The following GPR176 variants were observed in gnomAD, a reference collection of about 807,000 sequenced individuals.
GPR176 encodes the protein G protein-coupled receptor 176, also known as G-protein coupled receptor 176.
Under a neutral mutation model 35.4 loss-of-function variants are expected in GPR176, and 26 were observed. That is an observed-to-expected ratio of 0.74 (90% CI 0.54 to 1.02). GPR176 has a LOEUF of 1.02. Among genes scored for constraint, GPR176 ranks in the 50% least tolerant of loss-of-function variants. The probability of loss-of-function intolerance (pLI) is 0.00; values close to 1 mark genes in which losing one functional copy is unlikely to be tolerated. For missense variants in GPR176, 597 were observed against 665.3 expected, an observed-to-expected ratio of 0.90 and a Z score of 1.13; for synonymous variants, 278 against 271.3, an observed-to-expected ratio of 1.02 and a Z score of -0.24.
At chr15:39,916,220 A>C (rs1339091537) in intron 1 of GPR176, among the ~76,000 whole-genome samples, 1 of 152,200 alleles carries the variant, frequency 6.6e-6, no homozygotes, top group Non-Finnish European at 1.5e-5. Flanking sequence ...GTGATTCCAG[A>C]TCTTTTGGAG....
chr15:39,824,652 G>A (rs536834773), intron 1 of GPR176, among the ~76,000 whole-genome samples: 1 of 152,282 alleles, frequency 6.6e-6, no homozygotes, highest in Admixed American at 6.5e-5. Flanking sequence ...TGGTAACCAT[G>A]AACACTAAAT....
At chr15:39,853,985 T>C (rs2031040966) in intron 1 of GPR176, among the ~76,000 whole-genome samples, 1 of 152,154 alleles carries the variant, frequency 6.6e-6, no homozygotes, top group Non-Finnish European at 1.5e-5. Flanking sequence ...TTTATTTCCT[T>C]AACTTGTATT....
Position 39,920,034 on chromosome 15 carries a change from C to A in GPR176, c.-8G>T. 7.6e-7 allele frequency: 1 copy of A among 1,316,774 alleles called. No homozygotes were observed. Among genetic ancestry groups the A allele is most frequent in the Non-Finnish European group, 9.7e-7 (1 of 1,026,478 alleles). 81.6% of individuals were successfully genotyped at this position (1,316,774 alleles called of 1,614,324 possible). On this transcript the variant is annotated 5_prime_UTR_variant, in exon 1 of 3. Coordinates refer to ENST00000561100, the MANE Select transcript of GPR176 (RefSeq NM_007223.3). ...GCTCCCGTTATGTCCCATGGCGAGG[C>A]TGGGACTCCGGCTCCGCGCGCCGCC...
At chr15:39,819,097 C>A (rs997051684) in intron 1 of GPR176, among the ~76,000 whole-genome samples, 3 of 152,158 alleles carry the variant, frequency 2.0e-5, no homozygotes, top group Non-Finnish European at 2.9e-5. Context: ...ATGGAGAAAA[C>A]TTCCAGAGAA....
intron 1 of GPR176, among the ~76,000 whole-genome samples, chr15:39,885,248 G>A (rs1328794177): frequency 1.3e-5 from 2 of 152,192 alleles, no homozygotes. Context: ...CAACCTCTGA[G>A]GGAATCAAGC....
intron 1 of GPR176, among the ~76,000 whole-genome samples, chr15:39,809,771 A>G (rs1372649303): frequency 6.6e-6 from 1 of 152,210 alleles, no homozygotes; most frequent in Non-Finnish European, 1.5e-5. Flanking sequence ...GAGTGGTGAC[A>G]TTGGTACAAG....
chr15:39,913,544 CAA>C (rs112677908), intron 1 of GPR176, among the ~76,000 whole-genome samples: 1 of 117,932 alleles, frequency 8.5e-6, no homozygotes, highest in Non-Finnish European at 1.8e-5. Flanking sequence ...GACCCTGTCT[CAA>C]AAAAAAAAAA....
chr15:39,840,209 A>G (rs904068413), intron 1 of GPR176, among the ~76,000 whole-genome samples: 1 of 152,230 alleles, frequency 6.6e-6, no homozygotes, highest in Non-Finnish European at 1.5e-5. Context: ...ACTATTCACA[A>G]TGCCAAAGAC....
At chr15:39,850,942 G>T (rs2140808235) in intron 1 of GPR176, among the ~76,000 whole-genome samples, 1 of 152,178 alleles carries the variant, frequency 6.6e-6, no homozygotes, top group South Asian at 2.1e-4. Context: ...GACCATGCTA[G>T]AACTAACATG....
At chr15:39,890,963 G>A (rs2032849777) in intron 1 of GPR176, among the ~76,000 whole-genome samples, 1 of 152,194 alleles carries the variant, frequency 6.6e-6, no homozygotes, top group South Asian at 2.1e-4. Flanking sequence ...AACCCAAGGG[G>A]GAGGTAGCAG....
At chr15:39,857,971 C>T (rs1303371577) in intron 1 of GPR176, among the ~76,000 whole-genome samples, 9 of 77,368 alleles carry the variant, frequency 1.2e-4, no homozygotes, top group Non-Finnish European at 2.5e-4. Flanking sequence ...ACTCCTTCTC[C>T]AAAAAAAAAA....
intron 1 of GPR176, among the ~76,000 whole-genome samples, chr15:39,887,748 G>A (rs1377232517): frequency 3.3e-5 from 5 of 152,134 alleles, no homozygotes; most frequent in East Asian, 3.8e-4. Flanking sequence ...ATTTTCAAGC[G>A]GAAAGATTCA....
At chr15:39,861,645 T>A (rs977111368) in intron 1 of GPR176, among the ~76,000 whole-genome samples, 3 of 152,198 alleles carry the variant, frequency 2.0e-5, no homozygotes, top group African/African-American at 7.2e-5. Flanking sequence ...TGTTCAGGAT[T>A]TCTGACAATC....
At chr15:39,835,166 T>C (rs1411051647) in intron 1 of GPR176, among the ~76,000 whole-genome samples, 1 of 151,994 alleles carries the variant, frequency 6.6e-6, no homozygotes, top group African/African-American at 2.4e-5. Flanking sequence ...TACAGGCATG[T>C]GCCACCATGC....
At chr15:39,875,918 C>T (rs540144277) in intron 1 of GPR176, among the ~76,000 whole-genome samples, 386 of 126,910 alleles carry the variant, frequency 3.0e-3, no homozygotes, top group African/African-American at 9.5e-3. Flanking sequence ...CAATGTTTAA[C>T]TCATATATAT....
At chr15:39,846,380 T>A (rs1425725574) in intron 1 of GPR176, among the ~76,000 whole-genome samples, 1 of 152,176 alleles carries the variant, frequency 6.6e-6, no homozygotes, top group African/African-American at 2.4e-5. Context: ...GTAACAGGCA[T>A]CAGTAGAGGC....
chr15:39,831,111 A>C (rs577649247), intron 1 of GPR176, among the ~76,000 whole-genome samples: 23 of 152,316 alleles, frequency 1.5e-4, no homozygotes, highest in Non-Finnish European at 2.8e-4. Flanking sequence ...CCACTGAAGC[A>C]TGTGTTAACT....
chr15:39,835,887 G>C (rs1476758119), intron 1 of GPR176, among the ~76,000 whole-genome samples: 3 of 152,126 alleles, frequency 2.0e-5, no homozygotes. Context: ...TTGAGGCCAG[G>C]AGTTCGATAA....
At chr15:39,870,127 T>C (rs1180014015) in intron 1 of GPR176, among the ~76,000 whole-genome samples, 1 of 152,156 alleles carries the variant, frequency 6.6e-6, no homozygotes, top group Admixed American at 6.5e-5. Flanking sequence ...CCTCGTGTCA[T>C]TCCAACTTCC....
Sources: allele counts gnomAD v4.1 joint callset (sites outside exome capture counted in the v4.1 genomes callset), GRCh38; gene constraint gnomAD v4.1.1; transcripts MANE v1.5; gene names NCBI Gene and HGNC (gene_info 2026-07-23, HGNC 2026-07-21).